Variants in CLUL1 observed in about 807,000 individuals in gnomAD.
The protein encoded by CLUL1 is clusterin-like protein 1.
A neutral mutation model predicts 49.4 loss-of-function variants in CLUL1; 43 were observed. The ratio of observed to expected loss-of-function variants is 0.87; its 90% CI spans 0.68 to 1.12. The LOEUF is 1.12. Ranked by LOEUF, CLUL1 falls within the 50% of genes most tolerant of loss-of-function variation. The pLI is 0.00. For missense variants in CLUL1, 486 were observed against 544.4 expected, an observed-to-expected ratio of 0.89 and a Z score of 1.07; for synonymous variants, 192 against 184.9, an observed-to-expected ratio of 1.04 and a Z score of -0.31.
At chr18:613,218 A>G in intron 2 of CLUL1, 2 of 470,916 alleles carry the variant, frequency 4.2e-6, no homozygotes, top group South Asian at 8.5e-5. Flanking sequence ...AGCTCACTGC[A>G]ACCTCTACCT....
intron 2 of CLUL1, among the ~76,000 whole-genome samples, chr18:617,383 TCAGTAGTTCGAGAC>T (rs979438362): frequency 1.3e-5 from 2 of 151,792 alleles, no homozygotes; most frequent in Non-Finnish European, 2.9e-5. Context: ...TCACCTGAGG[TCAGTAGTTCGAGAC>T]CAGCCTGACC....
intron 2 of CLUL1, among the ~76,000 whole-genome samples, chr18:612,478 A>T (rs1293177589): frequency 6.6e-6 from 1 of 152,080 alleles, no homozygotes; most frequent in Admixed American, 6.5e-5. Flanking sequence ...AGGGATCTGT[A>T]CTCGGTTTGG....
At chr18:623,004 G>C (rs994242154) in intron 4 of CLUL1, among the ~76,000 whole-genome samples, 1 of 151,534 alleles carries the variant, frequency 6.6e-6, no homozygotes, top group African/African-American at 2.4e-5. Context: ...GAAAATCCTG[G>C]AGGTATTGTT....
chr18:626,863 A>AG (rs1567966220), intron 5 of CLUL1, among the ~76,000 whole-genome samples: 3 of 94,016 alleles, frequency 3.2e-5, no homozygotes, highest in African/African-American at 3.6e-5. Flanking sequence ...TCCATCTCAA[A>AG]TAAGAAAGAA....
chr18:622,653 G>A (rs970506158), intron 4 of CLUL1, among the ~76,000 whole-genome samples: 1 of 152,112 alleles, frequency 6.6e-6, no homozygotes, highest in African/African-American at 2.4e-5. Context: ...CCTGTGATTT[G>A]GTAACTGTTT....
At position 646,762 on chromosome 18, in the gene CLUL1, T is replaced by A. The variant is rs560214274; in HGVS notation, c.1397+1665T>A. On this transcript the variant is annotated intron_variant, in intron 9 of 9. Transcript: ENST00000692774. ...TTTCCTTTTTTCTTTCTTTCTTTTT[T>A]TTTTTGAGACAGAGTCTTGTTCTGT... Among the ~76,000 whole-genome samples, 130 of 151,848 alleles carry A rather than the reference T, an allele frequency of 8.6e-4. 1 individual carries two copies. Among genetic ancestry groups the A allele is most frequent in the Middle Eastern group, 3.4e-3 (1 of 292 alleles).
chr18:637,776 A>C (rs940618041), intron 7 of CLUL1, among the ~76,000 whole-genome samples: 1 of 151,972 alleles, frequency 6.6e-6, no homozygotes, highest in Non-Finnish European at 1.5e-5. Context: ...GGAGTTTGAG[A>C]CCAGCCTGGC....
At chr18:617,869 TA>T in intron 2 of CLUL1, 118 bp from the exon 3 acceptor site, 1 of 775,688 alleles carries the variant, frequency 1.3e-6, no homozygotes, top group Non-Finnish European at 2.1e-6. Context: ...ATAAGTTGTC[TA>T]AAGTCATAAG....
intron 6 of CLUL1, 164 bp downstream of exon 6, chr18:627,693 C>CTAA: frequency 1.7e-6 from 1 of 576,842 alleles, no homozygotes; most frequent in Non-Finnish European, 3.0e-6. Context: ...TTGAAGTCTG[C>CTAA]TAAACACCAT....
At chr18:603,835 T>C (rs772651974) in intron 1 of CLUL1, among the ~76,000 whole-genome samples, 2 of 152,232 alleles carry the variant, frequency 1.3e-5, no homozygotes, top group Non-Finnish European at 2.9e-5. Flanking sequence ...ATAATTATTC[T>C]ATTTCACGAA....
intron 6 of CLUL1, among the ~76,000 whole-genome samples, 169 bp from the exon 7 acceptor site, chr18:633,129 C>T (rs965600293): frequency 6.6e-6 from 1 of 152,152 alleles, no homozygotes; most frequent in Non-Finnish European, 1.5e-5. Context: ...TGCACTTTAG[C>T]CTGGGCAACA....
intron 7 of CLUL1, among the ~76,000 whole-genome samples, chr18:638,328 G>A (rs1052964162): frequency 6.6e-5 from 10 of 152,242 alleles, no homozygotes; most frequent in African/African-American, 2.4e-4. Context: ...AGCTAAAATA[G>A]TTTATTAATA....
intron 8 of CLUL1, among the ~76,000 whole-genome samples, chr18:643,371 ACT>A (rs1196100094): frequency 1.3e-5 from 2 of 152,184 alleles, no homozygotes; most frequent in African/African-American, 4.8e-5. Flanking sequence ...TGATTCTATA[ACT>A]CTATTAGATT....
intron 7 of CLUL1, among the ~76,000 whole-genome samples, chr18:638,194 G>A (rs549635389): frequency 1.8e-4 from 27 of 152,196 alleles, no homozygotes; most frequent in African/African-American, 5.8e-4. Context: ...CAGTTGCAAG[G>A]TTATATACAG....
At chr18:625,065 T>C in intron 5 of CLUL1, 33 bp downstream of exon 5, 1 of 1,601,636 alleles carries the variant, frequency 6.2e-7, no homozygotes, top group Non-Finnish European at 8.5e-7. Flanking sequence ...GATTTCACAG[T>C]TCTTGAGGCA....
At chr18:599,668 C>T (rs1261508462) in intron 1 of CLUL1, among the ~76,000 whole-genome samples, 1 of 152,094 alleles carries the variant, frequency 6.6e-6, no homozygotes, top group Admixed American at 6.5e-5. Flanking sequence ...TGCGGTGGTT[C>T]ACGCCTGTAA....
At position 606,941 on chromosome 18, in the gene CLUL1, C is replaced by A. The variant is rs1478940635; in HGVS notation, c.-135-37C>A. ...ATTTGTAATAATTTTAGGCGGCTCCCTAAAATTTCTTTTCTTTTTTCTTTT... is the reference window on the plus strand; with the variant it reads ...ATTTGTAATAATTTTAGGCGGCTCCATAAAATTTCTTTTCTTTTTTCTTTT... On this transcript the variant is annotated intron_variant, in intron 1 of 9. Coordinates refer to ENST00000692774, the MANE Select transcript of CLUL1 (RefSeq NM_001393344.1). This position sits in a 1 kb window ranked among gnomAD's most constrained non-coding sequence, Gnocchi z 4.1. 1.7e-6 allele frequency: 1 copy of A among 597,228 alleles called. No homozygotes were observed. The highest frequency in any genetic ancestry group is 1.9e-5 in the African/African-American group (1 of 53,244). The allele number at this position is 597,228 out of a possible 1,614,324, so 37.0% of individuals were successfully genotyped here.
chr18:619,180 A>T, intron 3 of CLUL1, 33 bp from the exon 4 acceptor site: 1 of 1,605,132 alleles, frequency 6.2e-7, no homozygotes, highest in Non-Finnish European at 8.5e-7. Context: ...ATCTGATCAG[A>T]TCTCAAAGAA....
intron 6 of CLUL1, among the ~76,000 whole-genome samples, chr18:632,153 A>T (rs1262656766): frequency 6.6e-6 from 1 of 152,192 alleles, no homozygotes; most frequent in East Asian, 1.9e-4. Flanking sequence ...GGGAACCGCC[A>T]ATTTTCTGTT....
Sources: allele counts gnomAD v4.1 joint callset (sites outside exome capture counted in the v4.1 genomes callset), GRCh38; gene constraint gnomAD v4.1.1; non-coding constraint Gnocchi (gnomAD v3.1); transcripts MANE v1.5; gene names NCBI Gene and HGNC (gene_info 2026-07-23, HGNC 2026-07-21).